Variants in CUBN observed in about 807,000 individuals in gnomAD.
CUBN encodes the protein 460 kDa receptor.
Under a neutral mutation model 405.3 loss-of-function variants are expected in CUBN, and 282 were observed. That is an observed-to-expected ratio of 0.70 (90% CI 0.63 to 0.77). CUBN has a LOEUF of 0.77. Among genes scored for constraint, CUBN ranks in the 30% least tolerant of loss-of-function variants. The pLI, the probability that CUBN is intolerant of heterozygous loss-of-function variation, is 0.00. For synonymous variants in CUBN, 1,684 were observed against 1,617.0 expected (o/e 1.04, Z -0.99); for missense variants, 4,514 against 4,475.2 (o/e 1.01, Z -0.25).
intron 22 of CUBN, among the ~76,000 whole-genome samples, chr10:17,053,199 C>T (rs1032322941): frequency 7.2e-5 from 11 of 151,954 alleles, no homozygotes; most frequent in Non-Finnish European, 1.3e-4. Flanking sequence ...AAACAACTAC[C>T]ATAATGGTAT....
chr10:16,866,685 G>A (rs1448731943), intron 59 of CUBN, among the ~76,000 whole-genome samples: 1 of 152,196 alleles, frequency 6.6e-6, no homozygotes, highest in Non-Finnish European at 1.5e-5. Context: ...TCATTTTGCT[G>A]GTTGTCAGCC....
At chr10:17,047,013 T>C (rs1835151020) in intron 23 of CUBN, among the ~76,000 whole-genome samples, 1 of 152,202 alleles carries the variant, frequency 6.6e-6, no homozygotes, top group South Asian at 2.1e-4. Flanking sequence ...AACTTTAAGA[T>C]TGCTATCCTG....
intron 29 of CUBN, among the ~76,000 whole-genome samples, chr10:16,987,682 C>T (rs1019432970): frequency 2.0e-5 from 3 of 152,148 alleles, no homozygotes; most frequent in Non-Finnish European, 2.9e-5. Flanking sequence ...AGATCACATG[C>T]CCATCATGGG....
chr10:16,949,694 G>T lies in CUBN; in HGVS notation c.5080+307C>A, dbSNP rs1842879251. Reference sequence around the variant, plus strand: ...GGTCAAATATTAACAAGAAATTTCTGATAGAATGCTACCTAATGCTGGGAT... The same window carrying T: ...GGTCAAATATTAACAAGAAATTTCTTATAGAATGCTACCTAATGCTGGGAT... On this transcript the variant is annotated intron_variant, in intron 34 of 66. Coordinates refer to ENST00000377833, the MANE Select transcript of CUBN (RefSeq NM_001081.4). Among the ~76,000 whole-genome samples, 5 of 151,928 alleles carry T rather than the reference G, an allele frequency of 3.3e-5. No homozygotes were observed. In the South Asian group the frequency reaches 1.0e-3, roughly 32 times the overall value.
rs146611143 is a variant in CUBN, at chr10:17,050,743, G to A, written c.3140-3140C>T. 7.5e-3 allele frequency among the ~76,000 whole-genome samples: 1,144 copies of A among 152,256 alleles called. 15 individuals carry two copies. The highest frequency in any genetic ancestry group is 0.027 in the African/African-American group (1,107 of 41,538). ...TCTTACAAGTGAAGACCATGGCCAA[G>A]AGTAGGGCTCTCTAGAACTTCCGGG... is the stretch of plus-strand genomic sequence containing the variant. On this transcript the variant is annotated intron_variant, in intron 22 of 66. Coordinates refer to ENST00000377833, the MANE Select transcript of CUBN (RefSeq NM_001081.4).
At position 17,111,060 on chromosome 10, in the gene CUBN, C is replaced by G. The variant is rs1310495260; in HGVS notation, c.884-10G>C. 6.2e-7 allele frequency: 1 copy of G among 1,613,892 alleles called. No homozygotes were observed. The highest frequency in any genetic ancestry group is 8.5e-7 in the Non-Finnish European group (1 of 1,179,964). On this transcript the variant is annotated splice_polypyrimidine_tract_variant and intron_variant, in intron 8 of 66. Transcript: ENST00000377833. ...CCATTGCCTTGCCAGCCTAGGAAAA[C>G]AAGAGGATTTAAAAGTTTAGCTCTA...
At chr10:16,979,002 C>T (rs1387872712) in intron 31 of CUBN, among the ~76,000 whole-genome samples, 2 of 152,114 alleles carry the variant, frequency 1.3e-5, no homozygotes, top group African/African-American at 2.4e-5. Context: ...AGTCTCAGGA[C>T]ACAAAATCAA....
chr10:16,973,618 G>GT (rs201824095), intron 31 of CUBN, among the ~76,000 whole-genome samples: 22,730 of 152,124 alleles, frequency 0.15, 1,788 homozygotes, highest in African/African-American at 0.17. Flanking sequence ...GTGATGGGTG[G>GT]TTTTCAACTT....
intron 44 of CUBN, 99 bp downstream of exon 44, chr10:16,919,864 T>C: frequency 4.0e-6 from 5 of 1,260,918 alleles, no homozygotes; most frequent in Non-Finnish European, 5.7e-6. Flanking sequence ...TAGATTTCCT[T>C]GCAGTATGTG....
intron 59 of CUBN, 28 bp from the exon 60 acceptor site, chr10:16,851,471 C>G (rs1309633084): frequency 1.3e-6 from 2 of 1,595,278 alleles, no homozygotes; most frequent in South Asian, 2.2e-5. Flanking sequence ...CATCACTATG[C>G]AGACCAAACA....
At chr10:16,825,652 T>TGC (rs1399357306) in intron 66 of CUBN, among the ~76,000 whole-genome samples, 6 of 151,420 alleles carry the variant, frequency 4.0e-5, no homozygotes. Flanking sequence ...TGTGTGTGTG[T>TGC]GTGTGTGTGT....
At chr10:16,843,408 AAGAC>A (rs1481919048) in intron 60 of CUBN, among the ~76,000 whole-genome samples, 1 of 152,220 alleles carries the variant, frequency 6.6e-6, no homozygotes, top group African/African-American at 2.4e-5. Flanking sequence ...AGGATTATGT[AAGAC>A]AGGAATGACT....
chr10:16,953,562 A>G (rs1277827524), intron 32 of CUBN, among the ~76,000 whole-genome samples: 1 of 152,198 alleles, frequency 6.6e-6, no homozygotes, highest in Non-Finnish European at 1.5e-5. Flanking sequence ...GGCAATGGGT[A>G]AAAAGGTCTT....
chr10:16,872,345 C>CATATATATAT (rs1840380771), intron 58 of CUBN, among the ~76,000 whole-genome samples: 1 of 94,968 alleles, frequency 1.1e-5, no homozygotes, highest in African/African-American at 9.1e-5. Context: ...AGATTGTATA[C>CATATATATAT]ATACATATAT....
At chr10:16,921,799 C>T (rs76479669) in intron 43 of CUBN, among the ~76,000 whole-genome samples, 2,515 of 152,314 alleles carry the variant, frequency 0.017, 22 homozygotes, top group Non-Finnish European at 0.025. Flanking sequence ...AAATGATAAG[C>T]AGTCTGTTGA....
intron 33 of CUBN, among the ~76,000 whole-genome samples, chr10:16,950,565 T>A (rs1362235275): frequency 6.6e-6 from 1 of 152,196 alleles, no homozygotes; most frequent in Non-Finnish European, 1.5e-5. Context: ...AAGTAATGAA[T>A]GAGGCGGATT....
rs1837081382 is a variant in CUBN, at chr10:17,122,977, A to G, written c.490-79T>C. ...AGCGAACATTCACATGATACGTTTA[A>G]GGATTTATACGTGGACAGTATATAA... On this transcript the variant is annotated intron_variant, in intron 5 of 66. Coordinates refer to ENST00000377833, the MANE Select transcript of CUBN (RefSeq NM_001081.4). 5.2e-6 allele frequency: 5 copies of G among 960,840 alleles called. No individual in the cohort carries two copies. The South Asian group carries it at 6.5e-5, about 12-fold the overall frequency. 59.5% of individuals were successfully genotyped at this position (960,840 alleles called of 1,614,324 possible).
At position 16,915,040 on chromosome 10, in the gene CUBN, C is replaced by G. The variant is rs1161671563; in HGVS notation, c.7343G>C (p.Ser2448Thr). The G allele has an allele frequency of 6.2e-7, 1 of 1,613,910 alleles. No individual in the cohort carries two copies. Among genetic ancestry groups the G allele is most frequent in the Non-Finnish European group, 8.5e-7 (1 of 1,179,958 alleles). The change falls in exon 47 of 67, where the codon AGT becomes ACT. Residue 2448 changes from serine (S) to threonine (T), a missense_variant. This residue lies in a region of CUBN where 1,613 missense variants were observed against 1,542.8 expected (regional missense o/e 1.05). Transcript: ENST00000377833. ...ASGFRLRFES[S>T]MEECGGDLQG... is the part of the protein sequence containing the mutation. ...TGAATCAATGAACTCACCTTCCATA[C>G]TGGATTCAAATCGCAGTCTGAATCC...
At chr10:16,851,094 T>G in intron 60 of CUBN, 141 bp downstream of exon 60, 1 of 680,250 alleles carries the variant, frequency 1.5e-6, no homozygotes, top group Non-Finnish European at 2.6e-6. Context: ...AAATGTAGCA[T>G]CACTGAAGAA....
Sources: gnomAD v4.1 joint callset for allele counts (sites outside exome capture counted in the v4.1 genomes callset) on GRCh38, gnomAD v4.1.1 for gene constraint, gnomAD v4.1.1 regional missense constraint, MANE v1.5 for transcripts, NCBI Gene and HGNC (gene_info 2026-07-23, HGNC 2026-07-21) for gene names.